Variants in SFMBT2 observed in about 807,000 individuals in gnomAD.
The protein encoded by SFMBT2 is scm-like with four MBT domains protein 2.
A neutral mutation model predicts 110.1 loss-of-function variants in SFMBT2; 38 were observed. That is an observed-to-expected ratio of 0.35 (90% CI 0.27 to 0.45). The LOEUF (loss-of-function observed/expected upper bound fraction) is 0.45. Ranked by LOEUF, SFMBT2 falls within the 20% of genes least tolerant of loss-of-function variation. SFMBT2 has a pLI of 1.00. For synonymous variants in SFMBT2, 425 were observed against 425.4 expected (o/e 1.00, Z 0.01); for missense variants, 1,011 against 1,094.9 (o/e 0.92, Z 1.08).
chr10:7,333,683 TC>T (rs1414948300), intron 4 of SFMBT2, among the ~76,000 whole-genome samples: 2 of 151,688 alleles, frequency 1.3e-5, no homozygotes, highest in Non-Finnish European at 2.9e-5. Context: ...CACATAGCTT[TC>T]TCTCTCTCCC....
intron 4 of SFMBT2, among the ~76,000 whole-genome samples, chr10:7,294,828 T>C (rs918524313): frequency 5.3e-5 from 8 of 152,234 alleles, no homozygotes; most frequent in Non-Finnish European, 1.2e-4. Flanking sequence ...ATCTGAAGCA[T>C]ATGAAACTGT....
chr10:7,206,509 C>A, intron 11 of SFMBT2: 7 of 985,382 alleles, frequency 7.1e-6, no homozygotes, highest in Non-Finnish European at 8.4e-6. Context: ...GACAACTTAT[C>A]AGTTTGGAGT....
intron 8 of SFMBT2, among the ~76,000 whole-genome samples, chr10:7,244,343 G>T (rs12265026): frequency 6.6e-6 from 1 of 152,098 alleles, no homozygotes; most frequent in African/African-American, 2.4e-5. Flanking sequence ...CTCACTCTGC[G>T]CTCCTAAAAT....
intron 4 of SFMBT2, among the ~76,000 whole-genome samples, chr10:7,334,276 C>T (rs1409949059): frequency 6.6e-6 from 1 of 152,128 alleles, no homozygotes; most frequent in Non-Finnish European, 1.5e-5. Flanking sequence ...CGAGAGGCCA[C>T]CCCCTCCACC....
intron 7 of SFMBT2, among the ~76,000 whole-genome samples, chr10:7,259,381 C>T (rs1368055001): frequency 6.6e-6 from 1 of 152,216 alleles, no homozygotes; most frequent in Non-Finnish European, 1.5e-5. Context: ...CCCCAGCTGC[C>T]CTCGGCTCCC....
intron 4 of SFMBT2, among the ~76,000 whole-genome samples, chr10:7,308,427 C>T (rs1842756907): frequency 6.6e-6 from 1 of 151,894 alleles, no homozygotes; most frequent in African/African-American, 2.4e-5. Flanking sequence ...CTAATAAATA[C>T]TACAATAAAT....
At chr10:7,360,764 C>T (rs1191079009) in intron 4 of SFMBT2, among the ~76,000 whole-genome samples, 5 of 152,184 alleles carry the variant, frequency 3.3e-5, no homozygotes, top group African/African-American at 7.2e-5. Flanking sequence ...TCCTGGTCTA[C>T]ACCATGATGA....
At chr10:7,364,569 A>G (rs1188758131) in intron 4 of SFMBT2, among the ~76,000 whole-genome samples, 1 of 152,258 alleles carries the variant, frequency 6.6e-6, no homozygotes. Context: ...TCAAGACCCC[A>G]GAACTTGTCT....
At chr10:7,327,053 G>A (rs776684878) in intron 4 of SFMBT2, among the ~76,000 whole-genome samples, 17 of 150,296 alleles carry the variant, frequency 1.1e-4, no homozygotes, top group African/African-American at 3.7e-4. Flanking sequence ...TCCTTCATAC[G>A]AGGGACTTTT....
At chr10:7,376,840 G>A (rs537842043) in intron 2 of SFMBT2, among the ~76,000 whole-genome samples, 29 of 128,022 alleles carry the variant, frequency 2.3e-4, no homozygotes, top group Non-Finnish European at 3.5e-4. Flanking sequence ...ATAGCATCTC[G>A]GGGTGGACAG....
At chr10:7,261,170 C>T (rs1026971945) in intron 7 of SFMBT2, among the ~76,000 whole-genome samples, 4 of 152,146 alleles carry the variant, frequency 2.6e-5, no homozygotes, top group East Asian at 1.9e-4. Context: ...GTCTGCAGCC[C>T]GTGGGTGCGA....
At chr10:7,169,618 G>A (rs1024175581) in intron 20 of SFMBT2, among the ~76,000 whole-genome samples, 3 of 151,864 alleles carry the variant, frequency 2.0e-5, no homozygotes, top group African/African-American at 7.3e-5. Flanking sequence ...TTTAACATGA[G>A]GTCTTTGAAC....
At chr10:7,322,727 T>C (rs911743357) in intron 4 of SFMBT2, among the ~76,000 whole-genome samples, 1 of 152,102 alleles carries the variant, frequency 6.6e-6, no homozygotes, top group Admixed American at 6.6e-5. Flanking sequence ...GAAACCCTCA[T>C]GTCTAGGAAA....
chr10:7,332,942 C>T (rs1386200164), intron 4 of SFMBT2, among the ~76,000 whole-genome samples: 1 of 152,232 alleles, frequency 6.6e-6, no homozygotes, highest in African/African-American at 2.4e-5. Flanking sequence ...TCTCAGCTCA[C>T]TGCAACCTCC....
At chr10:7,308,554 T>C (rs1340494565) in intron 4 of SFMBT2, among the ~76,000 whole-genome samples, 1 of 152,118 alleles carries the variant, frequency 6.6e-6, no homozygotes, top group Non-Finnish European at 1.5e-5. Context: ...CCAAGGATGC[T>C]GGAGATGGGG....
chr10:7,200,054 C>T (rs1251167048), intron 14 of SFMBT2, among the ~76,000 whole-genome samples: 7 of 152,232 alleles, frequency 4.6e-5, no homozygotes, highest in East Asian at 1.9e-4. Flanking sequence ...GCAAGTGGAA[C>T]GGAAATAAAA....
intron 9 of SFMBT2, among the ~76,000 whole-genome samples, chr10:7,232,601 T>G (rs1483148101): frequency 2.0e-5 from 3 of 152,200 alleles, no homozygotes; most frequent in African/African-American, 7.2e-5. Flanking sequence ...ATATACAGAA[T>G]TATTAGATTC....
At chr10:7,202,925 C>G (rs1839004641) in intron 12 of SFMBT2, 2 of 985,200 alleles carry the variant, frequency 2.0e-6, no homozygotes, top group African/African-American at 3.5e-5. Flanking sequence ...CAGCACACTC[C>G]CAAGGTGCTG....
At chr10:7,294,357 T>C (rs1842345118) in intron 4 of SFMBT2, among the ~76,000 whole-genome samples, 1 of 152,210 alleles carries the variant, frequency 6.6e-6, no homozygotes, top group Non-Finnish European at 1.5e-5. Flanking sequence ...TATGATGTTG[T>C]AGAATTTATC....
Sources: allele counts gnomAD v4.1 joint callset (sites outside exome capture counted in the v4.1 genomes callset), GRCh38; gene constraint gnomAD v4.1.1; transcripts MANE v1.5; gene names NCBI Gene and HGNC (gene_info 2026-07-23, HGNC 2026-07-21).